Variants in ARHGAP26 observed in about 807,000 individuals in gnomAD.
ARHGAP26 encodes Rho GTPase activating protein 26, also known as rho GTPase-activating protein 26.
ARHGAP26 carries 38 observed loss-of-function variants against 104.8 expected under a neutral mutation model. That is an observed-to-expected ratio of 0.36 (90% CI 0.28 to 0.48). The LOEUF (loss-of-function observed/expected upper bound fraction) is 0.48, where lower values mean the gene tolerates loss of function less well. Among genes scored for constraint, ARHGAP26 ranks in the 20% least tolerant of loss-of-function variants. ARHGAP26 has a pLI of 0.99. For missense variants in ARHGAP26, 704 were observed against 947.9 expected, an observed-to-expected ratio of 0.74 and a Z score of 3.38; for synonymous variants, 341 against 340.0, an observed-to-expected ratio of 1.00 and a Z score of -0.03.
intron 11 of ARHGAP26, among the ~76,000 whole-genome samples, chr5:142,988,433 A>G (rs985404602): frequency 3.9e-5 from 6 of 152,056 alleles, no homozygotes; most frequent in African/African-American, 1.2e-4. Flanking sequence ...GATCTTTTCA[A>G]AAAACTAGCT....
chr5:143,011,376 G>A (rs1278435671), intron 11 of ARHGAP26, among the ~76,000 whole-genome samples: 1 of 118,248 alleles, frequency 8.5e-6, no homozygotes, highest in Non-Finnish European at 1.7e-5. Context: ...ATGTGCATCT[G>A]TTTATTTCTG....
At chr5:142,823,661 G>C (rs527624842) in intron 1 of ARHGAP26, among the ~76,000 whole-genome samples, 124 of 152,294 alleles carry the variant, frequency 8.1e-4, no homozygotes, top group African/African-American at 2.9e-3. Flanking sequence ...CAAGGGTCTG[G>C]TTTGAAAAGT....
In ARHGAP26 at chr5:143,120,997, C is replaced by G; in HGVS notation, c.1548C>G (p.Asn516Lys). The G allele has an allele frequency of 6.2e-7, 1 of 1,612,412 alleles. No individual in the cohort carries two copies. Among genetic ancestry groups the G allele is most frequent in the African/African-American group, 1.3e-5 (1 of 74,954 alleles). The change falls in exon 18 of 23, where the codon AAC (asparagine) becomes AAG (lysine). Residue 516 changes from asparagine (N) to lysine (K), a missense_variant. Around this residue, in one of 6 missense-constraint regions of ARHGAP26, gnomAD observed 287 missense variants for 438.8 expected, o/e 0.65. Transcript: ENST00000645722. ...LLMNHLANVA[N>K]NHKQNLMTVA... ...TTTTCCTTCCTCCCAGTGTTGCTAA[C>G]AACCACAAGCAGAATTTGATGACGG...
At chr5:142,996,532 A>G (rs1370891513) in intron 11 of ARHGAP26, among the ~76,000 whole-genome samples, 1 of 152,068 alleles carries the variant, frequency 6.6e-6, no homozygotes, top group Non-Finnish European at 1.5e-5. Flanking sequence ...TTGTGTGCAT[A>G]TGTGTGTATG....
chr5:142,939,355 G>A (rs1765908165), intron 11 of ARHGAP26, among the ~76,000 whole-genome samples: 1 of 152,164 alleles, frequency 6.6e-6, no homozygotes, highest in African/African-American at 2.4e-5. Flanking sequence ...GAAGGAAGAG[G>A]CTAAGGAAAA....
At chr5:142,792,354 T>A (rs1760029028) in intron 1 of ARHGAP26, among the ~76,000 whole-genome samples, 1 of 152,226 alleles carries the variant, frequency 6.6e-6, no homozygotes, top group Non-Finnish European at 1.5e-5. Flanking sequence ...TAAGTAAAAT[T>A]TAAGCAGAAG....
chr5:143,219,682 A>G (rs888674493), intron 22 of ARHGAP26, among the ~76,000 whole-genome samples: 2 of 152,194 alleles, frequency 1.3e-5, no homozygotes, highest in African/African-American at 2.4e-5. Flanking sequence ...GTAAATGACA[A>G]TTTGCATTTT....
At chr5:142,846,156 A>G (rs1771901468) in intron 1 of ARHGAP26, among the ~76,000 whole-genome samples, 1 of 152,200 alleles carries the variant, frequency 6.6e-6, no homozygotes. Flanking sequence ...TCACATTTAT[A>G]GCTGACTCAT....
intron 21 of ARHGAP26, 43 bp from the exon 22 acceptor site, chr5:143,213,953 AG>A: frequency 7.9e-7 from 1 of 1,273,790 alleles, no homozygotes; most frequent in Non-Finnish European, 1.1e-6. Flanking sequence ...GGGCTTTCTA[AG>A]GGTTTTTTCA....
intron 18 of ARHGAP26, among the ~76,000 whole-genome samples, chr5:143,124,772 G>A (rs1796534670): frequency 6.6e-6 from 1 of 152,240 alleles, no homozygotes; most frequent in Non-Finnish European, 1.5e-5. Flanking sequence ...CCACCTCTGG[G>A]TGGGAGGAGC....
In ARHGAP26 at chr5:143,123,964, A is replaced by AAC. The variant is rs34527854; in HGVS notation, c.1698+2835_1698+2836dup. Among the ~76,000 whole-genome samples the AAC allele has an allele frequency of 8.6e-3, 1,308 of 151,224 alleles. 4 individuals carry two copies. Among genetic ancestry groups the AAC allele is most frequent in the African/African-American group, 0.014 (573 of 41,306 alleles). On this transcript the variant is annotated intron_variant, in intron 18 of 22. Transcript: ENST00000645722. ...CTTGGCTTTAATTTTCTGTAATAGA[A>AAC]ACACACACACACACACACAAACACA...
intron 1 of ARHGAP26, among the ~76,000 whole-genome samples, chr5:142,778,171 T>C (rs1756735172): frequency 6.6e-6 from 1 of 152,224 alleles, no homozygotes; most frequent in Non-Finnish European, 1.5e-5. Context: ...ATGATTCAGA[T>C]ATTTTTGGCC....
chr5:142,926,585 G>A (rs776979987), intron 10 of ARHGAP26, among the ~76,000 whole-genome samples: 1 of 152,082 alleles, frequency 6.6e-6, no homozygotes, highest in Non-Finnish European at 1.5e-5. Flanking sequence ...AAAGGGAGTG[G>A]TAGGCCACTT....
intron 1 of ARHGAP26, among the ~76,000 whole-genome samples, chr5:142,784,787 C>T (rs1016638319): frequency 6.6e-6 from 1 of 152,150 alleles, no homozygotes; most frequent in Non-Finnish European, 1.5e-5. Context: ...AGTATATGCA[C>T]AGGATTTTGC....
At chr5:142,878,523 A>ATG (rs768045852) in intron 3 of ARHGAP26, among the ~76,000 whole-genome samples, 3,884 of 142,144 alleles carry the variant, frequency 0.027, 84 homozygotes, top group Non-Finnish European at 0.034. Flanking sequence ...ACTGATGTGT[A>ATG]TGTGTGTGTG....
At chr5:142,847,426 C>T (rs1056539285) in intron 1 of ARHGAP26, among the ~76,000 whole-genome samples, 12 of 151,876 alleles carry the variant, frequency 7.9e-5, no homozygotes, top group East Asian at 1.9e-4. Context: ...GGCGCGATCT[C>T]GGCTCACAGC....
At chr5:143,197,115 C>T (rs1259450068) in intron 20 of ARHGAP26, among the ~76,000 whole-genome samples, 1 of 151,950 alleles carries the variant, frequency 6.6e-6, no homozygotes, top group African/African-American at 2.4e-5. Context: ...TTTTTTTATT[C>T]CACTTTTTCT....
chr5:142,835,559 G>A (rs980482815), intron 1 of ARHGAP26, among the ~76,000 whole-genome samples: 1 of 152,190 alleles, frequency 6.6e-6, no homozygotes, highest in African/African-American at 2.4e-5. Flanking sequence ...TTTTACCCAG[G>A]TGTCTTTTCA....
intron 20 of ARHGAP26, among the ~76,000 whole-genome samples, chr5:143,198,961 G>A (rs1378567136): frequency 6.6e-6 from 1 of 152,160 alleles, no homozygotes; most frequent in Non-Finnish European, 1.5e-5. Flanking sequence ...TTTAAAGCTA[G>A]AAAACAGAAC....
Sources: allele counts gnomAD v4.1 joint callset (sites outside exome capture counted in the v4.1 genomes callset), GRCh38; gene constraint gnomAD v4.1.1; regional missense constraint gnomAD v4.1.1; transcripts MANE v1.5; gene names NCBI Gene and HGNC (gene_info 2026-07-23, HGNC 2026-07-21).